Variants in CDH13 observed in about 807,000 individuals in gnomAD.
CDH13 encodes the protein cadherin-13.
In CDH13, 24 loss-of-function variants were observed where a neutral mutation model predicts 63.8. The ratio of observed to expected loss-of-function variants is 0.38; its 90% CI spans 0.27 to 0.53. The LOEUF is 0.53. Among genes scored for constraint, CDH13 ranks in the 20% least tolerant of loss-of-function variants. The probability of loss-of-function intolerance (pLI) is 0.85; values close to 1 mark genes in which losing one functional copy is unlikely to be tolerated. For synonymous variants in CDH13, 503 were observed against 355.3 expected, an observed-to-expected ratio of 1.42 and a Z score of -4.67; for missense variants, 1,049 against 903.1, an observed-to-expected ratio of 1.16 and a Z score of -2.07.
intron 1 of CDH13, among the ~76,000 whole-genome samples, chr16:82,637,098 A>G (rs1195099819): frequency 6.6e-6 from 1 of 152,202 alleles, no homozygotes; most frequent in African/African-American, 2.4e-5. Flanking sequence ...TATCTAAATC[A>G]TTATCACTTA....
intron 1 of CDH13, among the ~76,000 whole-genome samples, chr16:82,643,994 C>A (rs1048693084): frequency 4.6e-5 from 7 of 152,000 alleles, no homozygotes; most frequent in African/African-American, 1.5e-4. Flanking sequence ...AAGTGATCCT[C>A]CAGGAGTAGC....
At chr16:83,134,308 G>T (rs1195590920) in intron 4 of CDH13, among the ~76,000 whole-genome samples, 1 of 152,050 alleles carries the variant, frequency 6.6e-6, no homozygotes, top group Non-Finnish European at 1.5e-5. Flanking sequence ...TTCTGCCTCA[G>T]CTTCCCAAGT....
chr16:83,294,614 G>GTATA (rs200692863), intron 5 of CDH13, among the ~76,000 whole-genome samples: 7,080 of 119,492 alleles, frequency 0.059, 510 homozygotes, highest in African/African-American at 0.17. Flanking sequence ...GTGTGTGTGT[G>GTATA]TGTGTATATA....
At position 83,508,119 on chromosome 16, in the gene CDH13, A is replaced by AAGGGACGG. The variant is rs1555563722; in HGVS notation, c.960+21469_960+21470insCGGAGGGA. On this transcript the variant is annotated intron_variant, in intron 7 of 13. Transcript: ENST00000567109. ...AGGAAAGAAGGAAGGAAAAGGAAGG[A>AAGGGACGG]AGGGAGGAAGGAAAGGGAAGGGGAG... Among the ~76,000 whole-genome samples, 129 of 75,530 alleles carry AAGGGACGG rather than the reference A, an allele frequency of 1.7e-3. 1 individual carries two copies. The highest frequency in any genetic ancestry group is 6.3e-3 in the African/African-American group (125 of 19,910). 49.6% of individuals were successfully genotyped at this position (75,530 alleles called of 152,430 possible).
rs538599045 is a variant in CDH13, at chr16:83,242,138, A to G, written c.636+24641A>G. On this transcript the variant is annotated intron_variant, in intron 5 of 13. Transcript: ENST00000567109. ...CCTTTGTCAAAAATAATTCAGCCATATACATAAGGGTTTATTTCTAGGTTC... is the reference window on the plus strand; with the variant it reads ...CCTTTGTCAAAAATAATTCAGCCATGTACATAAGGGTTTATTTCTAGGTTC... 3.9e-5 allele frequency among the ~76,000 whole-genome samples: 6 copies of G among 152,330 alleles called. No individual in the cohort carries two copies. The East Asian group carries it at 9.6e-4, about 24-fold the overall frequency.
At chr16:83,370,638 G>A (rs2091350051) in intron 6 of CDH13, among the ~76,000 whole-genome samples, 1 of 152,078 alleles carries the variant, frequency 6.6e-6, no homozygotes, top group Non-Finnish European at 1.5e-5. Context: ...CCTTAAGTAG[G>A]TAGGCCCTGG....
At chr16:83,131,045 G>C (rs986713922) in intron 4 of CDH13, among the ~76,000 whole-genome samples, 1 of 152,154 alleles carries the variant, frequency 6.6e-6, no homozygotes, top group Non-Finnish European at 1.5e-5. Context: ...CAAGTAATTA[G>C]TTGGTTGGTA....
chr16:83,703,070 G>A (rs529075338), intron 10 of CDH13, among the ~76,000 whole-genome samples: 31 of 152,264 alleles, frequency 2.0e-4, no homozygotes, highest in Admixed American at 1.1e-3. Context: ...TAACAAGAGC[G>A]TTCCTCCTTG....
intron 1 of CDH13, among the ~76,000 whole-genome samples, chr16:82,851,093 AG>A (rs750928587): frequency 2.0e-5 from 3 of 152,188 alleles, no homozygotes; most frequent in Non-Finnish European, 4.4e-5. Context: ...TATGTTGGGT[AG>A]CATCTTTTAG....
At chr16:83,082,605 C>G (rs772851166) in intron 3 of CDH13, among the ~76,000 whole-genome samples, 1 of 152,166 alleles carries the variant, frequency 6.6e-6, no homozygotes, top group Admixed American at 6.5e-5. Flanking sequence ...CATCGTGCCA[C>G]TGCATTCCAG....
chr16:83,718,948 T>C (rs1350322859), intron 10 of CDH13, among the ~76,000 whole-genome samples: 1 of 152,222 alleles, frequency 6.6e-6, no homozygotes, highest in Non-Finnish European at 1.5e-5. Flanking sequence ...TTCAGCCTGC[T>C]GCATAGATGA....
At chr16:83,454,070 G>C (rs1331760419) in intron 6 of CDH13, among the ~76,000 whole-genome samples, 1 of 152,190 alleles carries the variant, frequency 6.6e-6, no homozygotes, top group Non-Finnish European at 1.5e-5. Flanking sequence ...CACTATCTGT[G>C]GAAAAATTGA....
chr16:82,692,962 C>A (rs1248704638), intron 1 of CDH13, among the ~76,000 whole-genome samples: 1 of 152,104 alleles, frequency 6.6e-6, no homozygotes, highest in Non-Finnish European at 1.5e-5. Context: ...CTTCTGTGAT[C>A]GTTTTACAAA....
At chr16:83,713,578 C>T (rs927173273) in intron 10 of CDH13, among the ~76,000 whole-genome samples, 3 of 151,878 alleles carry the variant, frequency 2.0e-5, no homozygotes, top group Non-Finnish European at 4.4e-5. Flanking sequence ...TTACCTCTCA[C>T]AAATGGTATG....
At chr16:82,689,212 T>C (rs1389335475) in intron 1 of CDH13, among the ~76,000 whole-genome samples, 2 of 152,050 alleles carry the variant, frequency 1.3e-5, no homozygotes, top group Non-Finnish European at 2.9e-5. Context: ...AACTGTGCAG[T>C]TGACATTACT....
In CDH13 at chr16:83,313,024, A is replaced by G. The variant is rs1597723765; in HGVS notation, c.637-31838A>G. ...CATGAGATGCAGCTTCTACAAGTGC[A>G]TGGGGAATCAGCACCCACTCAGCTG... On this transcript the variant is annotated intron_variant, in intron 5 of 13. Transcript: ENST00000567109. Among the ~76,000 whole-genome samples the G allele has an allele frequency of 3.3e-5, 5 of 152,320 alleles. No homozygotes were observed. In the East Asian group the frequency reaches 7.7e-4, roughly 24 times the overall value.
chr16:83,534,224 C>T (rs188796604), intron 7 of CDH13, among the ~76,000 whole-genome samples: 222 of 152,224 alleles, frequency 1.5e-3, no homozygotes, highest in Non-Finnish European at 2.0e-3. Context: ...CAAAGAGGAG[C>T]GCATTAGGAA....
chr16:83,149,929 AG>A lies in CDH13; in HGVS notation c.483+24429del, dbSNP rs1463524549. Among the ~76,000 whole-genome samples, 3 of 152,220 alleles carry A rather than the reference AG, an allele frequency of 2.0e-5. No individual in the cohort carries two copies. The East Asian group carries it at 5.8e-4, about 29-fold the overall frequency. On this transcript the variant is annotated intron_variant, in intron 4 of 13. Transcript: ENST00000567109. ...CCAGAGAATTGGCTATTAAACAGTT[AG>A]CAGCATGCCACTGATTACAAGCAGC...
chr16:83,210,912 G>A (rs913688011), intron 4 of CDH13, among the ~76,000 whole-genome samples: 9 of 151,696 alleles, frequency 5.9e-5, no homozygotes, highest in African/African-American at 2.2e-4. Flanking sequence ...CACTTTGGGA[G>A]GCCGAGGCAG....
Sources: allele counts gnomAD v4.1 joint callset (sites outside exome capture counted in the v4.1 genomes callset), GRCh38; gene constraint gnomAD v4.1.1; transcripts MANE v1.5; gene names NCBI Gene and HGNC (gene_info 2026-07-23, HGNC 2026-07-21).